RPS24: variants seen among roughly 807,000 people sequenced by gnomAD.
The protein encoded by RPS24 is small ribosomal subunit protein eS24.
For synonymous variants in RPS24, 72 were observed against 55.6 expected (o/e 1.30, Z -1.31); for missense variants, 100 against 162.5 (o/e 0.62, Z 2.09).
rs778028436 is a variant in RPS24 at position 78,035,215 on chromosome 10, A to G, written c.4-137A>G. The stretch of plus-strand genomic sequence containing the variant: ...GTATCCTGTGAGTTTGGCCTTGCCC[A>G]GTGGGTTTTATTTACTTTAGTTCGC... On this transcript the variant is annotated intron_variant, in intron 1 of 5. Coordinates refer to ENST00000372360, the MANE Select transcript of RPS24 (RefSeq NM_033022.4). 241 of 826,208 alleles carry G rather than the reference A, an allele frequency of 2.9e-4. 1 individual carries two copies. Among genetic ancestry groups the G allele is most frequent in the Middle Eastern group, 2.4e-3 (7 of 2,972 alleles). 51.2% of individuals were successfully genotyped at this position (826,208 alleles called of 1,614,324 possible). A position where few individuals can be genotyped will look rare whatever the true frequency, so the allele number is the denominator to read the frequency against.
intron 4 of RPS24, among the ~76,000 whole-genome samples, chr10:78,047,450 T>C (rs1256694202): frequency 3.9e-5 from 6 of 152,130 alleles, no homozygotes; most frequent in Non-Finnish European, 1.5e-5. Context: ...TGATGCACTA[T>C]GCAGACTCCC....
At chr10:78,045,377 A>G (rs985024290), downstream of RPS24, among the ~76,000 whole-genome samples, 2 of 152,206 alleles carry the variant, frequency 1.3e-5, no homozygotes, top group African/African-American at 2.4e-5. Context: ...AGCTGGGGCC[A>G]TGGATGGGCA....
At chr10:78,045,508 G>A (rs1024366470), downstream of RPS24, among the ~76,000 whole-genome samples, 3 of 151,870 alleles carry the variant, frequency 2.0e-5, no homozygotes, top group African/African-American at 7.3e-5. Flanking sequence ...GTGAGATGGA[G>A]TGTTGCTTTG....
chr10:78,055,868 T>G (rs1241278520), exon 5 of RPS24: 1 of 152,546 alleles, frequency 6.6e-6, no homozygotes, highest in East Asian at 1.9e-4. Context: ...TTCTCCTGCC[T>G]CAGCCTCCTG....
chr10:78,050,756 G>A (rs2131993097), intron 4 of RPS24, among the ~76,000 whole-genome samples: 1 of 152,324 alleles, frequency 6.6e-6, no homozygotes, highest in East Asian at 1.9e-4. Context: ...GACTACAGGT[G>A]CACAGCACCA....
chr10:78,045,669 G>C (rs1848035815), downstream of RPS24, among the ~76,000 whole-genome samples: 1 of 151,872 alleles, frequency 6.6e-6, no homozygotes, highest in Non-Finnish European at 1.5e-5. Flanking sequence ...TTTTAGTAGA[G>C]ATGGGGTTTC....
At chr10:78,048,276 C>T (rs866072894) in intron 4 of RPS24, among the ~76,000 whole-genome samples, 7 of 152,206 alleles carry the variant, frequency 4.6e-5, no homozygotes, top group African/African-American at 1.7e-4. Context: ...GGTTTCTATT[C>T]TGCACTGTTT....
chr10:78,034,108 G>T lies in RPS24; in HGVS notation c.3+204G>T, dbSNP rs983588785. 7.0e-5 allele frequency: 46 copies of T among 653,544 alleles called. 1 individual carries two copies. The South Asian group carries it at 7.4e-4, about 10-fold the overall frequency. The allele number at this position is 653,544 out of a possible 1,614,324, so 40.5% of individuals were successfully genotyped here. On this transcript the variant is annotated intron_variant, in intron 1 of 5. Transcript: ENST00000372360. The stretch of plus-strand genomic sequence containing the variant: ...TGCGCTGTAGACCCGGACACGCTGG[G>T]CTTCGGGCTCCAGCGCCTGGGCAGT...
Position 78,033,893 on chromosome 10 carries a change from A to G in RPS24, c.-9A>G, listed in dbSNP as rs181945201. ...TTCCTCCTTGGCTGTCTGAAGATAG[A>G]TCGCCATCATGGTGAGTCTCCCTGG... On this transcript the variant is annotated 5_prime_UTR_variant, in exon 1 of 6. Transcript: ENST00000372360. 72 of 1,613,954 alleles carry G rather than the reference A, an allele frequency of 4.5e-5. No homozygotes were observed. The highest frequency in any genetic ancestry group is 3.1e-4 in the African/African-American group (23 of 74,916).
At chr10:78,043,030 G>T (rs1242789038), downstream of RPS24, among the ~76,000 whole-genome samples, 3 of 151,988 alleles carry the variant, frequency 2.0e-5, no homozygotes, top group Non-Finnish European at 2.9e-5. Flanking sequence ...TTTTGAGATG[G>T]AGTCTCACTG....
At chr10:78,037,518 T>G in intron 4 of RPS24, 1 of 665,334 alleles carries the variant, frequency 1.5e-6, no homozygotes, top group East Asian at 3.3e-5. Flanking sequence ...CCTTGTCAGC[T>G]CACAGCACAA....
intron 4 of RPS24, among the ~76,000 whole-genome samples, chr10:78,052,901 C>G (rs1368498905): frequency 6.6e-6 from 1 of 152,134 alleles, no homozygotes; most frequent in Admixed American, 6.6e-5. Flanking sequence ...CCTATAATCC[C>G]AGCACTTTGG....
chr10:78,053,186 C>CA (rs57899265), intron 4 of RPS24, among the ~76,000 whole-genome samples: 75,735 of 140,842 alleles, frequency 0.54, 20,802 homozygotes, highest in Non-Finnish European at 0.61. Flanking sequence ...ACAACAACAA[C>CA]AAAAAAAAAA....
intron 4 of RPS24, chr10:78,038,469 A>G (rs570821219): frequency 1.3e-5 from 2 of 152,144 alleles, no homozygotes; most frequent in South Asian, 4.2e-4. Context: ...CTGTTTGGAT[A>G]TACGCAAAAC....
rs146068394 is a variant in RPS24 at position 78,040,694 on chromosome 10, T to C, written c.*99T>C. ...GCAAGAACATTAATAAACTAAAAAC[T>C]TCATGTGTCTGGTTGTTTGAAATGT... On this transcript the variant is annotated 3_prime_UTR_variant, in exon 6 of 6. Transcript: ENST00000372360. 2,082 of 1,612,348 alleles carry C rather than the reference T, an allele frequency of 1.3e-3. 12 individuals are homozygous for C. In the African/African-American group the frequency reaches 0.014, roughly 11 times the overall value.
downstream of RPS24, among the ~76,000 whole-genome samples, chr10:78,042,466 A>C (rs913162468): frequency 3.3e-5 from 5 of 152,224 alleles, no homozygotes; most frequent in African/African-American, 7.2e-5. Flanking sequence ...AACAGTTTGG[A>C]AACTAGTGCT....
At chr10:78,047,204 G>A (rs1404764244) in intron 4 of RPS24, among the ~76,000 whole-genome samples, 1 of 151,820 alleles carries the variant, frequency 6.6e-6, no homozygotes. Flanking sequence ...GACGTCAGGT[G>A]ATCCGCTGGC....
At position 78,035,341 on chromosome 10, in the gene RPS24, T is replaced by G; in HGVS notation, c.4-11T>G. On this transcript the variant is annotated splice_polypyrimidine_tract_variant and intron_variant, in intron 1 of 5. Coordinates refer to ENST00000372360, the MANE Select transcript of RPS24 (RefSeq NM_033022.4). ...GAGTAGTTTTATTAACCAGAGTGTT[T>G]ATGTTTTCAGAACGACACCGTAACT... 4 of 1,613,846 alleles carry G rather than the reference T, an allele frequency of 2.5e-6. No homozygotes were observed. The highest frequency in any genetic ancestry group is 3.3e-4 in the Middle Eastern group (2 of 6,050).
At position 78,055,158 on chromosome 10, in the gene RPS24, T is replaced by A. The variant is rs1848138273; in HGVS notation, c.*148T>A. The A allele has an allele frequency of 1.9e-5, 24 of 1,289,548 alleles. No individual in the cohort carries two copies. In the South Asian group the frequency reaches 2.7e-4, roughly 15 times the overall value. The allele number at this position is 1,289,548 out of a possible 1,614,324, so 79.9% of individuals were successfully genotyped here. On this transcript the variant is annotated 3_prime_UTR_variant, in exon 5 of 5. Coordinates refer to the RPS24 transcript ENST00000440692. ...AGAACCCTCCAGGGCTCCACATCTC[T>A]CTCACCCAAATGCCAAAGACCTCCC...
Sources: gnomAD v4.1 joint callset for allele counts (sites outside exome capture counted in the v4.1 genomes callset) on GRCh38, gnomAD v4.1.1 for gene constraint, MANE v1.5 for transcripts, NCBI Gene and HGNC (gene_info 2026-07-23, HGNC 2026-07-21) for gene names.